Variants in ERP44 observed in about 807,000 individuals in gnomAD.
The protein encoded by ERP44 is endoplasmic reticulum resident protein 44.
ERP44 carries 25 observed loss-of-function variants against 53.4 expected under a neutral mutation model. The ratio of observed to expected loss-of-function variants is 0.47; its 90% CI spans 0.34 to 0.65. The LOEUF (loss-of-function observed/expected upper bound fraction) is 0.65, where lower values mean the gene tolerates loss of function less well. ERP44 is among the 30% of genes least tolerant of loss of function. ERP44 has a pLI of 0.01. For synonymous variants in ERP44, 145 were observed against 161.2 expected (o/e 0.90, Z 0.76); for missense variants, 338 against 493.2 (o/e 0.69, Z 2.98).
intron 4 of ERP44, among the ~76,000 whole-genome samples, chr9:100,031,228 CTA>C (rs1288863977): frequency 5.3e-5 from 8 of 151,920 alleles, no homozygotes. Flanking sequence ...TCATTTTGTT[CTA>C]TGTCTTTGGG....
chr9:100,057,710 T>C (rs2118714098), intron 3 of ERP44, 110 bp downstream of exon 3: 2 of 771,750 alleles, frequency 2.6e-6, no homozygotes, highest in Non-Finnish European at 4.4e-6. Context: ...ACTTTATGTA[T>C]GGAATACTGT....
intron 1 of ERP44, among the ~76,000 whole-genome samples, chr9:100,079,521 G>A (rs1036506613): frequency 2.6e-5 from 4 of 151,150 alleles, no homozygotes; most frequent in African/African-American, 7.3e-5. Context: ...CTGCCACCAC[G>A]CCTGGCTGAC....
At chr9:100,030,843 C>T (rs1021490859) in intron 4 of ERP44, among the ~76,000 whole-genome samples, 1 of 152,188 alleles carries the variant, frequency 6.6e-6, no homozygotes, top group Admixed American at 6.5e-5. Flanking sequence ...AGGTCTTTCT[C>T]TGGCCTCCCT....
chr9:100,054,873 A>G (rs533853089), intron 3 of ERP44, among the ~76,000 whole-genome samples: 1 of 152,338 alleles, frequency 6.6e-6, no homozygotes, highest in East Asian at 1.9e-4. Flanking sequence ...AAGGAACATC[A>G]CAAAAGCAAT....
chr9:100,096,855 C>G (rs1330347356), intron 1 of ERP44, among the ~76,000 whole-genome samples: 2 of 152,248 alleles, frequency 1.3e-5, no homozygotes, highest in East Asian at 3.9e-4. Context: ...AGCGAGAATA[C>G]TGAGTAAGTA....
At chr9:100,091,592 T>C (rs890491802) in intron 1 of ERP44, among the ~76,000 whole-genome samples, 1 of 152,198 alleles carries the variant, frequency 6.6e-6, no homozygotes, top group Non-Finnish European at 1.5e-5. Context: ...AGATTTACTA[T>C]GTTATTGAGA....
intron 8 of ERP44, among the ~76,000 whole-genome samples, chr9:100,012,958 T>C (rs910839729): frequency 4.6e-5 from 7 of 152,248 alleles, no homozygotes; most frequent in East Asian, 1.9e-4. Context: ...AGTCTAAGTG[T>C]TGGAAATGGC....
chr9:100,015,658 A>G (rs1280191957), intron 8 of ERP44, among the ~76,000 whole-genome samples: 1 of 152,240 alleles, frequency 6.6e-6, no homozygotes, highest in Non-Finnish European at 1.5e-5. Context: ...AATTGTAACT[A>G]AAATCTGCAA....
intron 4 of ERP44, among the ~76,000 whole-genome samples, chr9:100,043,377 C>T (rs1037486350): frequency 6.7e-6 from 1 of 148,374 alleles, no homozygotes; most frequent in Non-Finnish European, 1.5e-5. Context: ...TAACTTAAAC[C>T]GTATGATTCG....
intron 10 of ERP44, among the ~76,000 whole-genome samples, chr9:100,005,868 C>T (rs575950069): frequency 7.2e-5 from 11 of 152,278 alleles, no homozygotes; most frequent in African/African-American, 2.2e-4. Context: ...TTAAACTTTT[C>T]GTATAAGAAA....
At chr9:100,050,694 A>G (rs1462777456) in intron 4 of ERP44, among the ~76,000 whole-genome samples, 2 of 152,224 alleles carry the variant, frequency 1.3e-5, no homozygotes, top group African/African-American at 4.8e-5. Context: ...ATAATACCTC[A>G]AAATATGCAT....
intron 8 of ERP44, 118 bp downstream of exon 8, chr9:100,016,204 T>A: frequency 5.7e-6 from 8 of 1,397,238 alleles, no homozygotes; most frequent in African/African-American, 1.5e-5. Flanking sequence ...GATATAGTTA[T>A]GTTCACTATA....
Position 99,981,833 on chromosome 9 carries a change from C to T in ERP44, c.*779G>A, listed in dbSNP as rs1050201501. On this transcript the variant is annotated 3_prime_UTR_variant, in exon 12 of 12. Transcript: ENST00000262455. The stretch of plus-strand genomic sequence containing the variant: ...AATTGAAGTCTCATAATAGGAGGAG[C>T]CTTAAAAGTCATCTAGTTCTGATTG... 1 of 152,134 alleles carries T rather than the reference C, an allele frequency of 6.6e-6. No homozygotes were observed. The highest frequency in any genetic ancestry group is 2.4e-5 in the African/African-American group (1 of 41,422). 9.4% of individuals were successfully genotyped at this position (152,134 alleles called of 1,614,324 possible).
At chr9:100,056,281 T>C (rs1464764397) in intron 3 of ERP44, among the ~76,000 whole-genome samples, 1 of 152,242 alleles carries the variant, frequency 6.6e-6, no homozygotes. Context: ...TTGACAACCC[T>C]AATTTACTTT....
At chr9:100,091,505 T>C (rs1826555641) in intron 1 of ERP44, among the ~76,000 whole-genome samples, 1 of 152,206 alleles carries the variant, frequency 6.6e-6, no homozygotes. Flanking sequence ...ATTCTGACAT[T>C]TGGCCACGTC....
chr9:100,001,790 C>T (rs1830380977), intron 10 of ERP44, among the ~76,000 whole-genome samples: 1 of 152,106 alleles, frequency 6.6e-6, no homozygotes, highest in African/African-American at 2.4e-5. Context: ...TGTCTTTTGA[C>T]TGGAGAATTT....
At chr9:100,044,751 C>A (rs1825949418) in intron 4 of ERP44, among the ~76,000 whole-genome samples, 1 of 152,046 alleles carries the variant, frequency 6.6e-6, no homozygotes, top group Non-Finnish European at 1.5e-5. Flanking sequence ...TAGCTTTTTC[C>A]TTAATCAATG....
rs1830133393 is a variant in ERP44, at chr9:99,980,152, A to T, written c.*2460T>A. ...TAATGTCCTCAAATCTCTGCAATTG[A>T]GTGCTCCTTTATGCCCTCTTTAACC... On this transcript the variant is annotated 3_prime_UTR_variant, in exon 12 of 12. Coordinates refer to ENST00000262455, the MANE Select transcript of ERP44 (RefSeq NM_015051.3). 1 of 398,144 alleles carries T rather than the reference A, an allele frequency of 2.5e-6. No homozygotes were observed. Among genetic ancestry groups the T allele is most frequent in the Non-Finnish European group, 4.4e-6 (1 of 225,876 alleles). The allele number at this position is 398,144 out of a possible 1,614,324, so 24.7% of individuals were successfully genotyped here.
intron 4 of ERP44, among the ~76,000 whole-genome samples, chr9:100,036,352 A>C (rs1825848603): frequency 6.6e-6 from 1 of 152,230 alleles, no homozygotes. Context: ...AGCAACCTGG[A>C]TGCAGCTGGA....
Sources: gnomAD v4.1 joint callset for allele counts (sites outside exome capture counted in the v4.1 genomes callset) on GRCh38, gnomAD v4.1.1 for gene constraint, MANE v1.5 for transcripts, NCBI Gene and HGNC (gene_info 2026-07-23, HGNC 2026-07-21) for gene names.